AKAP13: variants seen among roughly 807,000 people sequenced by gnomAD.
AKAP13 encodes A-kinase anchoring protein 13.
Under a neutral mutation model 264.5 loss-of-function variants are expected in AKAP13, and 80 were observed. The ratio of observed to expected loss-of-function variants is 0.30; its 90% CI spans 0.25 to 0.36. The LOEUF is 0.36. AKAP13 is among the 10% of genes least tolerant of loss of function. The pLI is 1.00. For synonymous variants in AKAP13, 1,380 were observed against 1,250.2 expected, an observed-to-expected ratio of 1.10 and a Z score of -2.19; for missense variants, 3,712 against 3,435.2, an observed-to-expected ratio of 1.08 and a Z score of -2.01.
Position 85,518,188 on chromosome 15 carries a change from T to C in AKAP13, c.34-3240T>C, listed in dbSNP as rs141092455. Among the ~76,000 whole-genome samples, 77 of 152,344 alleles carry C rather than the reference T, an allele frequency of 5.1e-4. 1 individual carries two copies. The highest frequency in any genetic ancestry group is 1.7e-3 in the African/African-American group (71 of 41,576). ...CTTTAAGGATGGTAGGATTAAAGCATCATGACAAAAATTGTTACCTAGATC... is the reference window on the plus strand; with the variant it reads ...CTTTAAGGATGGTAGGATTAAAGCACCATGACAAAAATTGTTACCTAGATC... On this transcript the variant is annotated intron_variant, in intron 2 of 36. Coordinates refer to ENST00000394518, the MANE Select transcript of AKAP13 (RefSeq NM_007200.5).
At chr15:85,408,342 G>A (rs1371946331) in intron 1 of AKAP13, among the ~76,000 whole-genome samples, 5 of 151,732 alleles carry the variant, frequency 3.3e-5, no homozygotes, top group South Asian at 2.1e-4. Context: ...ACCATTTACC[G>A]TCTTAATCAT....
intron 8 of AKAP13, among the ~76,000 whole-genome samples, chr15:85,614,091 C>G (rs1275952216): frequency 2.0e-5 from 3 of 151,834 alleles, no homozygotes; most frequent in Admixed American, 6.6e-5. Flanking sequence ...TCAAGAAAAC[C>G]AATTTGATCT....
chr15:85,748,778 G>C lies in AKAP13; in HGVS notation c.*4101G>C, dbSNP rs188290320. 2.0e-5 allele frequency: 3 copies of C among 152,380 alleles called. No individual in the cohort carries two copies. Among genetic ancestry groups the C allele is most frequent in the African/African-American group, 7.2e-5 (3 of 41,574 alleles). 9.4% of individuals were successfully genotyped at this position (152,380 alleles called of 1,614,324 possible). The stretch of plus-strand genomic sequence containing the variant: ...GTTAAAGGCGTGCAACCCCCCACTG[G>C]CTGTGTCCCCTGCCACCGAAGTGAG... On this transcript the variant is annotated 3_prime_UTR_variant, in exon 37 of 37. Transcript: ENST00000394518.
intron 1 of AKAP13, among the ~76,000 whole-genome samples, chr15:85,381,463 C>T (rs2070255859): frequency 7.2e-6 from 1 of 138,792 alleles, no homozygotes; most frequent in Non-Finnish European, 1.5e-5. Context: ...CAGCTTGCAG[C>T]TATACTTTGA....
intron 1 of AKAP13, among the ~76,000 whole-genome samples, chr15:85,464,363 T>C (rs907648388): frequency 1.5e-4 from 23 of 152,232 alleles, no homozygotes; most frequent in Admixed American, 1.3e-4. Context: ...TTTATAACTT[T>C]TGAGCAGTGT....
intron 6 of AKAP13, among the ~76,000 whole-genome samples, chr15:85,577,150 C>T (rs1306487813): frequency 2.0e-5 from 3 of 152,180 alleles, no homozygotes; most frequent in Non-Finnish European, 2.9e-5. Flanking sequence ...AAGACTTTAA[C>T]AAGCATGACA....
intron 1 of AKAP13, among the ~76,000 whole-genome samples, chr15:85,407,937 G>A (rs563616610): frequency 6.6e-6 from 1 of 151,780 alleles, no homozygotes; most frequent in South Asian, 2.1e-4. Context: ...GGGCTTGAAT[G>A]CAGTGAGGTT....
intron 3 of AKAP13, among the ~76,000 whole-genome samples, chr15:85,528,914 C>A (rs953640701): frequency 6.6e-6 from 1 of 152,122 alleles, no homozygotes; most frequent in Non-Finnish European, 1.5e-5. Flanking sequence ...TTCAGAACTT[C>A]CCTTTTTAAA....
rs750956417 is a variant in AKAP13 at position 85,693,278 on chromosome 15, A to C, written c.5291A>C (p.Glu1764Ala). Residue 1764 changes from glutamate (E) to alanine (A), a missense_variant and splice_region_variant, in exon 17 of 37, where the codon GAA (glutamate) becomes GCA (alanine). Transcript: ENST00000394518. ...NKMSSSKKSKEKEKEKDKIKE... is the reference protein window; with the variant it reads ...NKMSSSKKSKAKEKEKDKIKE... ...GGATTATTTTCTTTTCTTCGGCAGG[A>C]AAAGGAAAAAGAAAAAGATAAGATT... The C allele has an allele frequency of 6.3e-7, 1 of 1,591,166 alleles. No homozygotes were observed. Among genetic ancestry groups the C allele is most frequent in the East Asian group, 2.2e-5 (1 of 44,482 alleles).
chr15:85,642,558 G>T (rs762343117), intron 9 of AKAP13, among the ~76,000 whole-genome samples: 1 of 152,232 alleles, frequency 6.6e-6, no homozygotes, highest in African/African-American at 2.4e-5. Context: ...CCGCCCCATG[G>T]CGTTAGGGGG....
intron 1 of AKAP13, among the ~76,000 whole-genome samples, chr15:85,421,043 GGTATA>G (rs1338466271): frequency 3.9e-5 from 6 of 152,190 alleles, no homozygotes; most frequent in African/African-American, 1.4e-4. Context: ...ATTAAACAAA[GGTATA>G]GATGGATGAT....
chr15:85,698,833 A>G (rs1167769301), intron 17 of AKAP13, among the ~76,000 whole-genome samples: 1 of 150,464 alleles, frequency 6.6e-6, no homozygotes, highest in African/African-American at 2.4e-5. Context: ...AATCCCAGCT[A>G]CTTGGGAGGC....
At chr15:85,537,904 T>G (rs2077453530) in intron 4 of AKAP13, among the ~76,000 whole-genome samples, 1 of 152,242 alleles carries the variant, frequency 6.6e-6, no homozygotes, top group African/African-American at 2.4e-5. Context: ...AGGAGGGAGT[T>G]TGTCCTTTTA....
intron 3 of AKAP13, among the ~76,000 whole-genome samples, chr15:85,528,416 T>C (rs961380718): frequency 6.6e-6 from 1 of 152,236 alleles, no homozygotes; most frequent in African/African-American, 2.4e-5. Flanking sequence ...GTATTAGGGA[T>C]CTGTTTTCCT....
At chr15:85,681,478 G>A (rs546800672) in intron 14 of AKAP13, among the ~76,000 whole-genome samples, 5 of 151,848 alleles carry the variant, frequency 3.3e-5, no homozygotes, top group South Asian at 2.1e-4. Flanking sequence ...AATGACCTGC[G>A]GCAGTTTATG....
chr15:85,716,240 G>C (rs2086933225), intron 20 of AKAP13, among the ~76,000 whole-genome samples: 1 of 152,168 alleles, frequency 6.6e-6, no homozygotes, highest in South Asian at 2.1e-4. Context: ...AGGAAAAAGG[G>C]TGATTTAATT....
intron 1 of AKAP13, among the ~76,000 whole-genome samples, chr15:85,421,828 C>T (rs116082255): frequency 0.013 from 2,034 of 152,252 alleles, 51 homozygotes; most frequent in African/African-American, 0.047. Context: ...TGCTGTTTTT[C>T]GGTGTGTATG....
At chr15:85,695,711 G>A (rs975868040) in intron 17 of AKAP13, among the ~76,000 whole-genome samples, 7 of 152,174 alleles carry the variant, frequency 4.6e-5, no homozygotes, top group Non-Finnish European at 8.8e-5. Context: ...ATGCATCCCT[G>A]TGGGCAGAGA....
At chr15:85,540,892 A>G (rs890761420) in intron 4 of AKAP13, among the ~76,000 whole-genome samples, 9 of 152,360 alleles carry the variant, frequency 5.9e-5, no homozygotes, top group African/African-American at 9.6e-5. Context: ...ACATGCAGCA[A>G]TGTAGATGAA....
Sources: allele counts gnomAD v4.1 joint callset (sites outside exome capture counted in the v4.1 genomes callset), GRCh38; gene constraint gnomAD v4.1.1; transcripts MANE v1.5; gene names NCBI Gene and HGNC (gene_info 2026-07-23, HGNC 2026-07-21).